Variants in FMN2 observed in about 807,000 individuals in gnomAD.
FMN2 encodes the protein formin 2.
FMN2 carries 51 observed loss-of-function variants against 142.3 expected under a neutral mutation model. The observed-to-expected ratio is 0.36, with a 90% CI of 0.29 to 0.45. The LOEUF (loss-of-function observed/expected upper bound fraction) is 0.45. Ranked by LOEUF, FMN2 falls within the 20% of genes least tolerant of loss-of-function variation. The pLI is 1.00. For synonymous variants in FMN2, 882 were observed against 869.8 expected (o/e 1.01, Z -0.25); for missense variants, 1,936 against 2,122.8 (o/e 0.91, Z 1.73).
At chr1:240,234,427 G>A (rs1667629115) in intron 6 of FMN2, among the ~76,000 whole-genome samples, 2 of 152,182 alleles carry the variant, frequency 1.3e-5, no homozygotes, top group African/African-American at 4.8e-5. Context: ...CATTGTAGAA[G>A]AAAGGGAAAC....
intron 3 of FMN2, among the ~76,000 whole-genome samples, chr1:240,184,948 T>TCCCCTTCTCTTTCTCCCTCCTACACCTTC (rs1665346631): frequency 1.4e-5 from 1 of 72,094 alleles, no homozygotes; most frequent in African/African-American, 4.8e-5. Flanking sequence ...TCCTATACCT[T>TCCCCTTCTCTTTCTCCCTCCTACACCTTC]CCCCTTCTCT....
At chr1:240,355,298 TAAC>T (rs1672226355) in intron 13 of FMN2, among the ~76,000 whole-genome samples, 1 of 152,244 alleles carries the variant, frequency 6.6e-6, no homozygotes. Context: ...GATGCTATAC[TAAC>T]ATTACCACCC....
rs73126231 is a variant in FMN2, at chr1:240,340,837, G to A, written c.4765+6608G>A. On this transcript the variant is annotated intron_variant, in intron 13 of 17. Coordinates refer to ENST00000319653, the MANE Select transcript of FMN2 (RefSeq NM_020066.5). ...TGAATATATTCTTTTAAAATTTTTT[G>A]TATTGCTCTGTACTTAGAACTTCCT... 9.4e-3 allele frequency among the ~76,000 whole-genome samples: 1,428 copies of A among 151,892 alleles called. 27 individuals are homozygous for A. Among genetic ancestry groups the A allele is most frequent in the African/African-American group, 0.032 (1,320 of 41,424 alleles).
intron 7 of FMN2, among the ~76,000 whole-genome samples, chr1:240,289,240 G>T (rs998318976): frequency 1.3e-5 from 2 of 152,162 alleles, no homozygotes; most frequent in African/African-American, 4.8e-5. Context: ...ATCAAGCACA[G>T]CCCTGAGAGA....
intron 4 of FMN2, among the ~76,000 whole-genome samples, chr1:240,198,524 A>G (rs536200806): frequency 6.6e-6 from 1 of 152,276 alleles, no homozygotes; most frequent in African/African-American, 2.4e-5. Context: ...CATGTATTTT[A>G]TACTAAGGAT....
intron 16 of FMN2, among the ~76,000 whole-genome samples, chr1:240,462,238 T>G (rs951161121): frequency 1.8e-4 from 27 of 152,302 alleles, no homozygotes; most frequent in Middle Eastern, 6.8e-3. Context: ...ACCTAGGAGT[T>G]AGTGAGGCTA....
chr1:240,136,069 A>G (rs149253918), intron 2 of FMN2, among the ~76,000 whole-genome samples: 3,513 of 152,032 alleles, frequency 0.023, 64 homozygotes, highest in Admixed American at 0.046. Flanking sequence ...AGTAATCAGT[A>G]ACCAAGTTTT....
intron 14 of FMN2, among the ~76,000 whole-genome samples, chr1:240,364,288 C>T (rs771268158): frequency 3.3e-5 from 5 of 152,010 alleles, no homozygotes; most frequent in South Asian, 2.1e-4. Context: ...CAGATAGGGC[C>T]GTTTTGTGGT....
rs775982270 is a variant in FMN2, at chr1:240,294,801, ATTC to A, written c.4154-15_4154-13del. On this transcript the variant is annotated intron_variant, in intron 7 of 17. Transcript: ENST00000319653. ...TCACAGGTGGCTTATGGCAATTTAT[ATTC>A]TTCTTTTTTTTCCACAGCTGTTGTG... 17 of 1,613,122 alleles carry A rather than the reference ATTC, an allele frequency of 1.1e-5. No homozygotes were observed. The highest frequency in any genetic ancestry group is 1.7e-4 in the Middle Eastern group (1 of 6,054).
intron 2 of FMN2, chr1:240,144,292 G>A (rs1371695470): frequency 6.2e-7 from 1 of 1,606,196 alleles, no homozygotes; most frequent in Non-Finnish European, 8.5e-7. Context: ...CCACCTGAGA[G>A]CCACTGCCCC....
chr1:240,171,364 G>A, intron 2 of FMN2: 2 of 591,646 alleles, frequency 3.4e-6, no homozygotes, highest in Non-Finnish European at 6.2e-6. Context: ...AGAGAGAAGC[G>A]CCTCCTAGAC....
At chr1:240,252,133 T>A (rs1668297746) in intron 6 of FMN2, among the ~76,000 whole-genome samples, 1 of 152,146 alleles carries the variant, frequency 6.6e-6, no homozygotes, top group African/African-American at 2.4e-5. Context: ...GGTCTCAAAC[T>A]CCTGACCTCA....
chr1:240,127,108 G>A (rs1189896197), intron 2 of FMN2, among the ~76,000 whole-genome samples: 1 of 151,734 alleles, frequency 6.6e-6, no homozygotes, highest in African/African-American at 2.4e-5. Flanking sequence ...GGAAAGCCGT[G>A]GAAGGAATAT....
At chr1:240,229,107 T>A (rs1423634103) in intron 6 of FMN2, among the ~76,000 whole-genome samples, 1 of 151,994 alleles carries the variant, frequency 6.6e-6, no homozygotes, top group Non-Finnish European at 1.5e-5. Context: ...TCCACTGTTG[T>A]TTTAATATTT....
intron 6 of FMN2, among the ~76,000 whole-genome samples, chr1:240,215,163 T>A (rs574669567): frequency 6.6e-6 from 1 of 152,340 alleles, no homozygotes; most frequent in Admixed American, 6.5e-5. Context: ...TTTTGGTTAA[T>A]CTTCTATCAA....
chr1:240,342,197 C>T (rs1671766751), intron 13 of FMN2, among the ~76,000 whole-genome samples: 1 of 152,130 alleles, frequency 6.6e-6, no homozygotes, highest in African/African-American at 2.4e-5. Flanking sequence ...GCTTAGTTTC[C>T]TCTTTATATG....
At chr1:240,277,257 T>C (rs1196117373) in intron 7 of FMN2, among the ~76,000 whole-genome samples, 1 of 152,198 alleles carries the variant, frequency 6.6e-6, no homozygotes, top group African/African-American at 2.4e-5. Context: ...GATTGAGTTA[T>C]TGATGGGATC....
intron 1 of FMN2, among the ~76,000 whole-genome samples, chr1:240,105,100 C>CTTTTTTTTTT (rs57841541): frequency 1.4e-5 from 1 of 72,986 alleles, no homozygotes; most frequent in African/African-American, 5.3e-5. Context: ...GTTTATGCTT[C>CTTTTTTTTTT]TTTTTTTTTT....
chr1:240,273,371 C>T (rs560236064), intron 7 of FMN2, among the ~76,000 whole-genome samples: 2 of 152,282 alleles, frequency 1.3e-5, no homozygotes, highest in African/African-American at 4.8e-5. Flanking sequence ...GTAAAAGAAA[C>T]TTAATTAGCA....
Sources: gnomAD v4.1 joint callset for allele counts (sites outside exome capture counted in the v4.1 genomes callset) on GRCh38, gnomAD v4.1.1 for gene constraint, MANE v1.5 for transcripts, NCBI Gene and HGNC (gene_info 2026-07-23, HGNC 2026-07-21) for gene names.